SLC24A2: variants seen among roughly 807,000 people sequenced by gnomAD.
SLC24A2 encodes the protein solute carrier family 24 member 2, also known as sodium/potassium/calcium exchanger 2.
Under a neutral mutation model 62.0 loss-of-function variants are expected in SLC24A2, and 36 were observed. The observed-to-expected ratio is 0.58, with a 90% CI of 0.44 to 0.77. SLC24A2 has a LOEUF of 0.77. Ranked by LOEUF, SLC24A2 falls within the 30% of genes least tolerant of loss-of-function variation. SLC24A2 has a pLI of 0.00. For missense variants in SLC24A2, 846 were observed against 817.9 expected (o/e 1.03, Z -0.42); for synonymous variants, 358 against 294.0 (o/e 1.22, Z -2.23).
chr9:19,869,877 G>A, the SLC24A2 span, among the ~76,000 whole-genome samples: 9,462 of 152,246 alleles, frequency 0.062, 413 homozygotes, highest in African/African-American at 0.12. Flanking sequence ...TCAAGCTACT[G>A]TCTGGTGTCA....
the SLC24A2 span, among the ~76,000 whole-genome samples, chr9:20,213,956 G>A: frequency 6.6e-6 from 1 of 152,162 alleles, no homozygotes; most frequent in Non-Finnish European, 1.5e-5. Context: ...GCGGCATCAT[G>A]CAGTATTTGT....
At chr9:19,526,978 C>G (rs560593685) in intron 9 of SLC24A2, among the ~76,000 whole-genome samples, 1 of 152,032 alleles carries the variant, frequency 6.6e-6, no homozygotes, top group African/African-American at 2.4e-5. Flanking sequence ...TTTACAAACT[C>G]TTACATTTCA....
At chr9:19,917,733 T>C in the SLC24A2 span, among the ~76,000 whole-genome samples, 1 of 152,152 alleles carries the variant, frequency 6.6e-6, no homozygotes, top group African/African-American at 2.4e-5. Context: ...TATCTATATC[T>C]TGATAGTTTT....
the SLC24A2 span, among the ~76,000 whole-genome samples, chr9:19,904,480 C>T: frequency 1.3e-5 from 2 of 152,074 alleles, no homozygotes; most frequent in Admixed American, 6.5e-5. Context: ...CTAGATTGGA[C>T]AAAAACTGGT....
chr9:19,956,167 C>T, the SLC24A2 span, among the ~76,000 whole-genome samples: 2 of 152,146 alleles, frequency 1.3e-5, no homozygotes, highest in East Asian at 3.9e-4. Flanking sequence ...TAGTTGTAGC[C>T]AGATCTCAAA....
chr9:20,297,592 C>T, the SLC24A2 span, among the ~76,000 whole-genome samples: 1 of 152,224 alleles, frequency 6.6e-6, no homozygotes, highest in African/African-American at 2.4e-5. Context: ...CTGGGACAGA[C>T]CCATGGCAAT....
the SLC24A2 span, among the ~76,000 whole-genome samples, chr9:19,880,188 G>A: frequency 6.6e-6 from 1 of 152,204 alleles, no homozygotes. Context: ...GATGGCATGA[G>A]AGGTAGCATG....
chr9:20,222,274 G>A, the SLC24A2 span, among the ~76,000 whole-genome samples: 5,345 of 150,940 alleles, frequency 0.035, 281 homozygotes, highest in African/African-American at 0.11. Flanking sequence ...AAGAAAGGGA[G>A]TCAAAAAAAA....
the SLC24A2 span, among the ~76,000 whole-genome samples, chr9:19,838,829 G>T: frequency 8.7e-5 from 13 of 149,624 alleles, no homozygotes; most frequent in Non-Finnish European, 1.6e-4. Context: ...CATAGGCATG[G>T]GCAAGGACTT....
chr9:20,087,850 G>T, the SLC24A2 span, among the ~76,000 whole-genome samples: 1 of 151,706 alleles, frequency 6.6e-6, no homozygotes, highest in East Asian at 1.9e-4. Flanking sequence ...AGAAAAGCAA[G>T]GCAGGACGAC....
the SLC24A2 span, among the ~76,000 whole-genome samples, chr9:20,058,955 C>T: frequency 2.6e-5 from 4 of 152,184 alleles, no homozygotes; most frequent in South Asian, 8.3e-4. Context: ...GTTGCACACT[C>T]TTCTCCCTAT....
chr9:19,533,825 C>T (rs1400407190), intron 8 of SLC24A2, among the ~76,000 whole-genome samples: 8 of 152,222 alleles, frequency 5.3e-5, no homozygotes, highest in Non-Finnish European at 1.0e-4. Flanking sequence ...AAGGTCAAAT[C>T]TAACAAAAAT....
the SLC24A2 span, among the ~76,000 whole-genome samples, chr9:20,296,574 G>A: frequency 1.3e-5 from 2 of 152,216 alleles, no homozygotes; most frequent in African/African-American, 2.4e-5. Flanking sequence ...CAATGCAGAT[G>A]TACAAAAAGG....
the SLC24A2 span, among the ~76,000 whole-genome samples, chr9:20,073,895 CAT>C: frequency 3.1e-5 from 4 of 129,502 alleles, no homozygotes; most frequent in East Asian, 6.0e-4. Context: ...TATATACACA[CAT>C]ATATATATAT....
At chr9:19,936,616 G>A in the SLC24A2 span, among the ~76,000 whole-genome samples, 9 of 152,130 alleles carry the variant, frequency 5.9e-5, no homozygotes. Flanking sequence ...TAGAAAGCTG[G>A]AGTGGGAGCC....
intron 2 of SLC24A2, among the ~76,000 whole-genome samples, chr9:19,661,944 A>C (rs537839172): frequency 3.9e-5 from 6 of 152,338 alleles, no homozygotes; most frequent in African/African-American, 1.4e-4. Flanking sequence ...GACATTGCAC[A>C]TTCCACCATA....
intron 2 of SLC24A2, among the ~76,000 whole-genome samples, chr9:19,758,335 G>T (rs1457308482): frequency 1.3e-5 from 2 of 152,138 alleles, no homozygotes; most frequent in Non-Finnish European, 2.9e-5. Context: ...TAGACACAGG[G>T]AGTATCCATC....
the SLC24A2 span, among the ~76,000 whole-genome samples, chr9:19,871,945 CTT>C: frequency 6.6e-6 from 1 of 151,134 alleles, no homozygotes; most frequent in East Asian, 1.9e-4. Context: ...ATTTTGAAGA[CTT>C]TTTTTTTGTG....
chr9:20,104,125 G>A, the SLC24A2 span, among the ~76,000 whole-genome samples: 2 of 152,282 alleles, frequency 1.3e-5, no homozygotes, highest in East Asian at 3.9e-4. Flanking sequence ...TGAATGAAAT[G>A]AAGTGAGAAG....
Sources: gnomAD v4.1 joint callset for allele counts (sites outside exome capture counted in the v4.1 genomes callset) on GRCh38, gnomAD v4.1.1 for gene constraint, MANE v1.5 for transcripts, NCBI Gene and HGNC (gene_info 2026-07-23, HGNC 2026-07-21) for gene names.